UVRAG: variants seen among roughly 807,000 people sequenced by gnomAD.
The protein encoded by UVRAG is UV radiation resistance associated, also known as UV radiation resistance-associated gene protein.
A neutral mutation model predicts 78.0 loss-of-function variants in UVRAG; 19 were observed. The ratio of observed to expected loss-of-function variants is 0.24; its 90% CI spans 0.17 to 0.36. The LOEUF is 0.36. Ranked by LOEUF, UVRAG falls within the 10% of genes least tolerant of loss-of-function variation. UVRAG has a pLI of 1.00. For missense variants in UVRAG, 740 were observed against 853.8 expected, an observed-to-expected ratio of 0.87 and a Z score of 1.66; for synonymous variants, 323 against 324.6, an observed-to-expected ratio of 1.00 and a Z score of 0.05.
intron 6 of UVRAG, among the ~76,000 whole-genome samples, chr11:75,940,159 G>A (rs1051118145): frequency 6.6e-6 from 1 of 152,168 alleles, no homozygotes; most frequent in Admixed American, 6.6e-5. Flanking sequence ...AGAGAAAGAA[G>A]GGAACTGGAA....
chr11:76,118,569 G>T (rs1952225142), intron 14 of UVRAG, among the ~76,000 whole-genome samples: 1 of 152,212 alleles, frequency 6.6e-6, no homozygotes, highest in East Asian at 1.9e-4. Context: ...ACTAAGAGTT[G>T]TTTTTTAATC....
At chr11:76,133,618 T>C (rs1952549145) in intron 14 of UVRAG, among the ~76,000 whole-genome samples, 1 of 152,202 alleles carries the variant, frequency 6.6e-6, no homozygotes, top group Non-Finnish European at 1.5e-5. Context: ...TCTTCTTCAT[T>C]TTAGTCAGAG....
At chr11:76,087,390 G>A (rs1951606778) in intron 13 of UVRAG, among the ~76,000 whole-genome samples, 1 of 152,038 alleles carries the variant, frequency 6.6e-6, no homozygotes, top group South Asian at 2.1e-4. Context: ...GACTAATTAG[G>A]ACTCTGCACG....
intron 12 of UVRAG, among the ~76,000 whole-genome samples, chr11:76,064,268 T>A (rs1011602397): frequency 6.6e-6 from 1 of 152,206 alleles, no homozygotes; most frequent in African/African-American, 2.4e-5. Context: ...GCTTATAGAA[T>A]AACAGCTAGA....
intron 13 of UVRAG, among the ~76,000 whole-genome samples, chr11:76,072,633 A>G (rs1231759508): frequency 6.6e-6 from 1 of 152,212 alleles, no homozygotes. Context: ...ACCACAACTC[A>G]CACCATACTG....
At chr11:76,042,860 T>TGAGA (rs147934535) in intron 12 of UVRAG, among the ~76,000 whole-genome samples, 112 of 152,314 alleles carry the variant, frequency 7.4e-4, no homozygotes, top group African/African-American at 2.6e-3. Flanking sequence ...TCTCTACAGA[T>TGAGA]GAGAGCTGAT....
At chr11:75,898,388 G>A (rs1312496548) in intron 5 of UVRAG, among the ~76,000 whole-genome samples, 3 of 152,132 alleles carry the variant, frequency 2.0e-5, no homozygotes, top group Non-Finnish European at 2.9e-5. Context: ...ACCTCTGTTA[G>A]TAGCTCTTGA....
chr11:75,846,418 A>G (rs1267485288), intron 1 of UVRAG, among the ~76,000 whole-genome samples: 2 of 152,198 alleles, frequency 1.3e-5, no homozygotes, highest in Non-Finnish European at 2.9e-5. Context: ...TATCAGTTTC[A>G]TCTTTTATGA....
At chr11:76,104,994 G>A (rs764324075) in intron 13 of UVRAG, among the ~76,000 whole-genome samples, 3 of 152,154 alleles carry the variant, frequency 2.0e-5, no homozygotes, top group Non-Finnish European at 4.4e-5. Context: ...TTGTGTTACT[G>A]CAGTAAACAG....
chr11:75,997,656 GCA>G (rs891119767), intron 8 of UVRAG, among the ~76,000 whole-genome samples: 1 of 152,180 alleles, frequency 6.6e-6, no homozygotes, highest in African/African-American at 2.4e-5. Flanking sequence ...AAAGGTTTTG[GCA>G]CAGTTCTCCA....
chr11:75,979,761 C>G (rs933437190), intron 7 of UVRAG: 1 of 152,274 alleles, frequency 6.6e-6, no homozygotes, highest in Admixed American at 6.5e-5. Flanking sequence ...CCTGATTTTC[C>G]GGGTGCGATT....
intron 7 of UVRAG, among the ~76,000 whole-genome samples, chr11:75,970,310 T>C (rs916269449): frequency 1.3e-5 from 2 of 152,250 alleles, no homozygotes; most frequent in Admixed American, 6.5e-5. Flanking sequence ...ACAAGTTTAA[T>C]TGTATCTCTG....
intron 5 of UVRAG, among the ~76,000 whole-genome samples, chr11:75,900,034 A>T (rs1354888621): frequency 6.6e-6 from 1 of 152,218 alleles, no homozygotes; most frequent in Non-Finnish European, 1.5e-5. Context: ...GCCAGAGAAT[A>T]ATCTGGGAAA....
chr11:75,963,309 A>G (rs1457252981), intron 7 of UVRAG, among the ~76,000 whole-genome samples: 1 of 152,216 alleles, frequency 6.6e-6, no homozygotes, highest in Non-Finnish European at 1.5e-5. Context: ...GAATGAATCT[A>G]GCATAATGTC....
At chr11:76,047,054 A>G (rs1950772155) in intron 12 of UVRAG, among the ~76,000 whole-genome samples, 1 of 152,236 alleles carries the variant, frequency 6.6e-6, no homozygotes, top group Non-Finnish European at 1.5e-5. Context: ...TTCAGTGAAC[A>G]TTTATTCAAT....
At chr11:76,000,296 A>G (rs889162820) in intron 8 of UVRAG, among the ~76,000 whole-genome samples, 3 of 152,212 alleles carry the variant, frequency 2.0e-5, no homozygotes, top group Non-Finnish European at 4.4e-5. Flanking sequence ...CAAGAAATCC[A>G]CTTTGAATAT....
chr11:75,950,159 A>T (rs553482696), intron 6 of UVRAG, among the ~76,000 whole-genome samples: 3 of 152,144 alleles, frequency 2.0e-5, no homozygotes, highest in Admixed American at 6.5e-5. Flanking sequence ...TATTCTGTTG[A>T]TGGATATTTG....
chr11:75,858,546 A>C (rs1429862427), intron 2 of UVRAG, among the ~76,000 whole-genome samples: 2 of 152,202 alleles, frequency 1.3e-5, no homozygotes, highest in African/African-American at 4.8e-5. Flanking sequence ...GTCTTTTGCT[A>C]TACACACAGT....
chr11:75,882,276 G>A (rs573660560), intron 4 of UVRAG, among the ~76,000 whole-genome samples: 1 of 152,248 alleles, frequency 6.6e-6, no homozygotes, highest in African/African-American at 2.4e-5. Flanking sequence ...CAGTTTGGGA[G>A]GCTGAGGCGG....
Sources: gnomAD v4.1 joint callset for allele counts (sites outside exome capture counted in the v4.1 genomes callset) on GRCh38, gnomAD v4.1.1 for gene constraint, MANE v1.5 for transcripts, NCBI Gene and HGNC (gene_info 2026-07-23, HGNC 2026-07-21) for gene names.